SLC36A2: variants seen among roughly 807,000 people sequenced by gnomAD.
SLC36A2 encodes the protein proton-coupled amino acid transporter 2.
A neutral mutation model predicts 42.7 loss-of-function variants in SLC36A2; 39 were observed. The ratio of observed to expected loss-of-function variants is 0.91; its 90% CI spans 0.71 to 1.19. SLC36A2 has a LOEUF of 1.19. Ranked by LOEUF, SLC36A2 falls within the 50% of genes most tolerant of loss-of-function variation. The pLI is 0.00. For synonymous variants in SLC36A2, 237 were observed against 240.8 expected (o/e 0.98, Z 0.15); for missense variants, 590 against 613.7 (o/e 0.96, Z 0.41).
chr5:151,321,345 C>T (rs10616856), intron 9 of SLC36A2, among the ~76,000 whole-genome samples: 11,507 of 42,998 alleles, frequency 0.27, 948 homozygotes, highest in East Asian at 0.52. Context: ...TCTTTTCTTT[C>T]TTTTTTTTTT....
At chr5:151,343,322 CTG>C (rs1295706220) in intron 3 of SLC36A2, among the ~76,000 whole-genome samples, 186 bp downstream of exon 3, 3 of 152,206 alleles carry the variant, frequency 2.0e-5, no homozygotes, top group Non-Finnish European at 4.4e-5. Context: ...AATAGCCTGA[CTG>C]AGATCTCCTA....
chr5:151,316,763 A>AAAAAT lies in SLC36A2; in HGVS notation c.*53_*54insATTTT. ...CTCAAAAAAAAAAAAAAAAAAAAAAAGAGATCCATATAATTAAAAGTCGGG... is the reference window on the plus strand; with the variant it reads ...CTCAAAAAAAAAAAAAAAAAAAAAAAAAAATGAGATCCATATAATTAAAAGTCGGG... On this transcript the variant is annotated 3_prime_UTR_variant, in exon 10 of 10. Transcript: ENST00000335244. 1 of 1,490,264 alleles carries AAAAAT rather than the reference A, an allele frequency of 6.7e-7. No individual in the cohort carries two copies. The highest frequency in any genetic ancestry group is 9.1e-7 in the Non-Finnish European group (1 of 1,102,394). The allele number at this position is 1,490,264 out of a possible 1,614,324, so 92.3% of individuals were successfully genotyped here. A position where few individuals can be genotyped will look rare whatever the true frequency, so the allele number is the denominator to read the frequency against.
At chr5:151,320,406 A>AAG (rs60737561) in intron 9 of SLC36A2, among the ~76,000 whole-genome samples, 1 of 152,028 alleles carries the variant, frequency 6.6e-6, no homozygotes, top group Admixed American at 6.6e-5. Context: ...CAAAAAAAAA[A>AAG]GAATTTCCTA....
At chr5:151,330,720 T>G (rs1234095083) in intron 7 of SLC36A2, among the ~76,000 whole-genome samples, 1 of 152,220 alleles carries the variant, frequency 6.6e-6, no homozygotes, top group African/African-American at 2.4e-5. Context: ...GATAACATTG[T>G]TGGTGTTTCA....
chr5:151,336,053 AAAAT>A (rs1370710254), intron 5 of SLC36A2, among the ~76,000 whole-genome samples: 3 of 152,196 alleles, frequency 2.0e-5, no homozygotes, highest in Non-Finnish European at 4.4e-5. Flanking sequence ...AGTGTAACAC[AAAAT>A]AAATAACTGG....
rs542742836 is a variant in SLC36A2, at chr5:151,327,216, G to A, written c.844-1764C>T. Among the ~76,000 whole-genome samples, 6 of 152,222 alleles carry A rather than the reference G, an allele frequency of 3.9e-5. No homozygotes were observed. In the South Asian group the frequency reaches 6.2e-4, roughly 16 times the overall value. On this transcript the variant is annotated intron_variant, in intron 7 of 9. Coordinates refer to ENST00000335244, the MANE Select transcript of SLC36A2 (RefSeq NM_181776.3). ...GTTATTTTTTAATACTGTGAAGACC[G>A]TAACTCTATGAAGTCGGTACCTCCA... is the stretch of plus-strand genomic sequence containing the variant.
At position 151,334,617 on chromosome 5, in the gene SLC36A2, G is replaced by C. The variant is rs536210274; in HGVS notation, c.744+712C>G. ...GAGGCAGGAGAATCGCTTGAACCCG[G>C]GAGGCAGAGGCTGCAGTGAGCTGAG... On this transcript the variant is annotated intron_variant, in intron 6 of 9. Coordinates refer to ENST00000335244, the MANE Select transcript of SLC36A2 (RefSeq NM_181776.3). Among the ~76,000 whole-genome samples, 3 of 152,258 alleles carry C rather than the reference G, an allele frequency of 2.0e-5. No homozygotes were observed. In the East Asian group the frequency reaches 5.8e-4, roughly 29 times the overall value.
intron 7 of SLC36A2, 113 bp downstream of exon 7, chr5:151,333,111 C>CA: frequency 1.0e-6 from 1 of 971,806 alleles, no homozygotes; most frequent in Non-Finnish European, 1.7e-6. Flanking sequence ...TGGGCATTTT[C>CA]TAGCAGGCCC....
intron 7 of SLC36A2, among the ~76,000 whole-genome samples, chr5:151,327,231 C>T (rs1755878580): frequency 1.3e-5 from 2 of 152,164 alleles, no homozygotes; most frequent in South Asian, 2.1e-4. Context: ...TCTATGAAGT[C>T]GGTACCTCCA....
Position 151,339,069 on chromosome 5 carries a change from A to G in SLC36A2, c.516T>C (p.Asn172=), listed in dbSNP as rs542937986. The stretch of plus-strand genomic sequence containing the variant: ...CTCTAGAAGCCTCTACCTGTTTTAA[A>G]TTATCAGCCAAAAACACAATGTACA... ...CCVYIVFLAD[N]LKQVVEAVNS... is the part of the protein sequence containing the mutation. Residue 172 remains asparagine, a synonymous_variant, in exon 5 of 10, where the codon AAT becomes AAC. Transcript: ENST00000335244. The G allele has an allele frequency of 6.2e-7, 1 of 1,609,812 alleles. No individual in the cohort carries two copies. The highest frequency in any genetic ancestry group is 1.1e-5 in the South Asian group (1 of 90,974).
chr5:151,346,404 C>T (rs957416755), intron 1 of SLC36A2, among the ~76,000 whole-genome samples: 6 of 152,172 alleles, frequency 3.9e-5, no homozygotes, highest in African/African-American at 1.2e-4. Context: ...AGTGCACCCC[C>T]GAGAAACACA....
At chr5:151,343,376 G>A in intron 3 of SLC36A2, 134 bp downstream of exon 3, 1 of 922,156 alleles carries the variant, frequency 1.1e-6, no homozygotes, top group Non-Finnish European at 1.8e-6. Context: ...CCCTGCCCCT[G>A]AATGCTCTTC....
chr5:151,340,783 G>A (rs1233380583), intron 4 of SLC36A2, among the ~76,000 whole-genome samples: 1 of 152,214 alleles, frequency 6.6e-6, no homozygotes, highest in East Asian at 1.9e-4. Flanking sequence ...AACCCAGGTG[G>A]CCTGTGAAAG....
chr5:151,343,302 A>G (rs1756399828), intron 3 of SLC36A2, among the ~76,000 whole-genome samples: 1 of 152,224 alleles, frequency 6.6e-6, no homozygotes, highest in African/African-American at 2.4e-5. Context: ...GGAGCCAACC[A>G]GATAAGCACA....
intron 1 of SLC36A2, among the ~76,000 whole-genome samples, chr5:151,345,478 A>G (rs980825237): frequency 2.6e-5 from 4 of 152,198 alleles, no homozygotes; most frequent in Non-Finnish European, 4.4e-5. Context: ...GAAGCTTCAT[A>G]TTGAAGCTGT....
intron 4 of SLC36A2, 86 bp downstream of exon 4, chr5:151,342,800 CCA>C: frequency 8.6e-7 from 1 of 1,162,622 alleles, no homozygotes; most frequent in African/African-American, 1.5e-5. Flanking sequence ...GCCAAACAAA[CCA>C]CCTTTCCAGG....
At chr5:151,343,685 T>G (rs1404478867) in intron 2 of SLC36A2, 87 bp from the exon 3 acceptor site, 1 of 1,222,044 alleles carries the variant, frequency 8.2e-7, no homozygotes, top group Non-Finnish European at 1.2e-6. Flanking sequence ...GTAGTGCTGA[T>G]ATCATGCAGA....
In SLC36A2 at chr5:151,335,467, T is replaced by A. The variant is rs1561658199; in HGVS notation, c.606A>T (p.Arg202=). ...TVILTPTMDS[R]LYMLSFLPFL... ...AGGGCAGGAAGGAGAGCATGTAGAG[T>A]CGCGAGTCCATGGTGGGGGTCAGAA... is the stretch of plus-strand genomic sequence containing the variant. Residue 202 remains arginine, a synonymous_variant, in exon 6 of 10, where the codon CGA becomes CGT. Coordinates refer to ENST00000335244, the MANE Select transcript of SLC36A2 (RefSeq NM_181776.3). 6.2e-7 allele frequency: 1 copy of A among 1,613,758 alleles called. No individual in the cohort carries two copies. The highest frequency in any genetic ancestry group is 1.1e-5 in the South Asian group (1 of 91,056).
intron 2 of SLC36A2, 70 bp downstream of exon 2, chr5:151,344,107 G>T: frequency 1.4e-6 from 2 of 1,438,706 alleles, no homozygotes; most frequent in Non-Finnish European, 1.9e-6. Context: ...TTGCTAAACC[G>T]CTAGAGCCTC....
Sources: gnomAD v4.1 joint callset for allele counts (sites outside exome capture counted in the v4.1 genomes callset) on GRCh38, gnomAD v4.1.1 for gene constraint, MANE v1.5 for transcripts, NCBI Gene and HGNC (gene_info 2026-07-23, HGNC 2026-07-21) for gene names.